SLC16A7: variants seen among roughly 807,000 people sequenced by gnomAD.
SLC16A7 encodes monocarboxylate transporter 2.
In SLC16A7, 33 loss-of-function variants were observed where a neutral mutation model predicts 34.9. The ratio of observed to expected loss-of-function variants is 0.94; its 90% CI spans 0.72 to 1.26. SLC16A7 has a LOEUF of 1.26. SLC16A7 is among the 50% of genes most tolerant of loss of function. The pLI, the probability that SLC16A7 is intolerant of heterozygous loss-of-function variation, is 0.00. For missense variants in SLC16A7, 573 were observed against 578.1 expected, an observed-to-expected ratio of 0.99 and a Z score of 0.09; for synonymous variants, 201 against 206.6, an observed-to-expected ratio of 0.97 and a Z score of 0.23.
intron 1 of SLC16A7, among the ~76,000 whole-genome samples, chr12:59,640,106 A>T (rs985949097): frequency 6.6e-6 from 1 of 152,162 alleles, no homozygotes; most frequent in African/African-American, 2.4e-5. Flanking sequence ...GGGTGGGGGT[A>T]CACAGCTTTC....
intron 1 of SLC16A7, among the ~76,000 whole-genome samples, chr12:59,620,437 A>T (rs996766475): frequency 6.6e-6 from 1 of 151,986 alleles, no homozygotes; most frequent in African/African-American, 2.4e-5. Context: ...GGAAGTAGGT[A>T]TCAACCAATT....
intron 3 of SLC16A7, among the ~76,000 whole-genome samples, chr12:59,715,497 C>G (rs1028823708): frequency 1.3e-5 from 2 of 152,130 alleles, no homozygotes; most frequent in South Asian, 2.1e-4. Context: ...GAATTACCAA[C>G]TAAAAGCACA....
intron 3 of SLC16A7, among the ~76,000 whole-genome samples, chr12:59,765,081 A>C (rs985508125): frequency 6.6e-6 from 1 of 152,220 alleles, no homozygotes; most frequent in African/African-American, 2.4e-5. Context: ...TCTGATGGCC[A>C]GTGATGAAGA....
intron 3 of SLC16A7, among the ~76,000 whole-genome samples, chr12:59,768,558 C>T (rs1881910457): frequency 6.6e-6 from 1 of 152,024 alleles, no homozygotes; most frequent in Non-Finnish European, 1.5e-5. Flanking sequence ...GTTGATAAAG[C>T]AGTGGAAAGG....
chr12:59,768,655 G>A (rs569877912), intron 3 of SLC16A7, among the ~76,000 whole-genome samples: 1 of 152,064 alleles, frequency 6.6e-6, no homozygotes, highest in Non-Finnish European at 1.5e-5. Context: ...AAGAAATCTA[G>A]CATGAAAGGA....
At chr12:59,756,223 A>T (rs929560817) in intron 3 of SLC16A7, among the ~76,000 whole-genome samples, 1 of 152,038 alleles carries the variant, frequency 6.6e-6, no homozygotes, top group Non-Finnish European at 1.5e-5. Context: ...TAAAACACCA[A>T]AGCAATGGCA....
At chr12:59,689,638 T>G (rs150966813) in intron 2 of SLC16A7, among the ~76,000 whole-genome samples, 2,615 of 152,062 alleles carry the variant, frequency 0.017, 78 homozygotes, top group African/African-American at 0.059. Context: ...AATATAAAAG[T>G]CAGAAAGGTA....
chr12:59,765,619 T>G (rs891395724), intron 3 of SLC16A7, among the ~76,000 whole-genome samples: 8 of 151,914 alleles, frequency 5.3e-5, no homozygotes, highest in Non-Finnish European at 8.8e-5. Flanking sequence ...ATTTTGTCAG[T>G]TTTGTCAAAG....
chr12:59,733,246 G>A (rs1316708102), intron 3 of SLC16A7, among the ~76,000 whole-genome samples: 1 of 152,180 alleles, frequency 6.6e-6, no homozygotes, highest in African/African-American at 2.4e-5. Context: ...AGTAGGTTGT[G>A]CTCGGCTTGT....
intron 3 of SLC16A7, among the ~76,000 whole-genome samples, chr12:59,720,473 C>T (rs561688672): frequency 3.8e-4 from 58 of 152,022 alleles, no homozygotes; most frequent in African/African-American, 1.1e-3. Flanking sequence ...GTCCTGTTTC[C>T]GGTATCTCCT....
chr12:59,755,860 T>C lies in SLC16A7; in HGVS notation c.218-15359T>C, dbSNP rs987470378. On this transcript the variant is annotated intron_variant, in intron 3 of 5. Transcript: ENST00000547379. ...CACGCTACCTGACTTCAAACTATAC[T>C]ACAAGGCTACAGTCACCAAAACAGC... Among the ~76,000 whole-genome samples the C allele has an allele frequency of 9.2e-5, 14 of 152,134 alleles. No individual in the cohort carries two copies. The South Asian group carries it at 2.7e-3, about 29-fold the overall frequency.
intron 1 of SLC16A7, among the ~76,000 whole-genome samples, chr12:59,612,688 C>T (rs1879254000): frequency 6.6e-6 from 1 of 152,150 alleles, no homozygotes; most frequent in South Asian, 2.1e-4. Flanking sequence ...GACATTTCTT[C>T]CACCAGATAC....
In SLC16A7 at chr12:59,717,540, T is replaced by G. The variant is rs1338109430; in HGVS notation, c.217+12522T>G. On this transcript the variant is annotated intron_variant, in intron 3 of 5. Transcript: ENST00000547379. ...TGGCAAAAATATTACTTAATGGTAT[T>G]CCTTAAATCGAACATGATATGTTTT... is the stretch of plus-strand genomic sequence containing the variant. Among the ~76,000 whole-genome samples, 4 of 152,282 alleles carry G rather than the reference T, an allele frequency of 2.6e-5. No homozygotes were observed. The South Asian group carries it at 8.3e-4, about 32-fold the overall frequency.
At position 59,700,976 on chromosome 12, in the gene SLC16A7, G is replaced by A. The variant is rs183208264; in HGVS notation, c.-30-3796G>A. On this transcript the variant is annotated intron_variant, in intron 2 of 5. Transcript: ENST00000547379. ...GTAGGTACTCCATGCAATTTTTTTC[G>A]ACGCTCAAGATGAGATCGTCATGCA... Among the ~76,000 whole-genome samples, 175 of 151,280 alleles carry A rather than the reference G, an allele frequency of 1.2e-3. 1 individual carries two copies. The highest frequency in any genetic ancestry group is 4.1e-3 in the African/African-American group (170 of 41,350).
At chr12:59,600,564 T>G (rs1186810809) in intron 1 of SLC16A7, among the ~76,000 whole-genome samples, 3 of 152,136 alleles carry the variant, frequency 2.0e-5, no homozygotes, top group African/African-American at 7.2e-5. Context: ...ATCCAGCTGT[T>G]TAAAATCATA....
intron 2 of SLC16A7, among the ~76,000 whole-genome samples, chr12:59,656,944 A>G (rs1391799965): frequency 6.6e-6 from 1 of 152,012 alleles, no homozygotes; most frequent in African/African-American, 2.4e-5. Flanking sequence ...CTTACTAATT[A>G]TAATCTGAGC....
chr12:59,655,744 A>G (rs566439807), intron 2 of SLC16A7, among the ~76,000 whole-genome samples: 1 of 152,062 alleles, frequency 6.6e-6, no homozygotes, highest in South Asian at 2.1e-4. Context: ...AAAGGGCTTT[A>G]TCACTGTGTT....
At position 59,785,542 on chromosome 12, in the gene SLC16A7, T is replaced by G. The variant is rs1883555717; in HGVS notation, c.*5863T>G. ...TCTCCTAAATGTTTTCCTTTCTATG[T>G]TTTTATAATATCTAGGTAAAACTTG... On this transcript the variant is annotated 3_prime_UTR_variant, in exon 6 of 6. Coordinates refer to ENST00000547379, the MANE Select transcript of SLC16A7 (RefSeq NM_001270623.2). 1 of 152,190 alleles carries G rather than the reference T, an allele frequency of 6.6e-6. No individual in the cohort carries two copies. Among genetic ancestry groups the G allele is most frequent in the Admixed American group, 6.5e-5 (1 of 15,276 alleles). The allele number at this position is 152,190 out of a possible 1,614,324, so 9.4% of individuals were successfully genotyped here.
chr12:59,751,561 G>A (rs940798789), intron 3 of SLC16A7, among the ~76,000 whole-genome samples: 12 of 152,194 alleles, frequency 7.9e-5, no homozygotes, highest in Admixed American at 4.6e-4. Flanking sequence ...AGGTGCGCCC[G>A]CCATTGCCCA....
Sources: allele counts gnomAD v4.1 joint callset (sites outside exome capture counted in the v4.1 genomes callset), GRCh38; gene constraint gnomAD v4.1.1; transcripts MANE v1.5; gene names NCBI Gene and HGNC (gene_info 2026-07-23, HGNC 2026-07-21).